The following MTUS2 variants were observed in gnomAD, a reference collection of about 807,000 sequenced individuals.
MTUS2 encodes the protein microtubule-associated tumor suppressor candidate 2.
MTUS2 carries 40 observed loss-of-function variants against 114.1 expected under a neutral mutation model. The observed-to-expected ratio is 0.35, with a 90% confidence interval of 0.27 to 0.46. MTUS2 has a LOEUF of 0.46. Ranked by LOEUF, MTUS2 falls within the 20% of genes least tolerant of loss-of-function variation. The probability of loss-of-function intolerance (pLI) is 1.00; values close to 1 mark genes in which losing one functional copy is unlikely to be tolerated. For synonymous variants in MTUS2, 688 were observed against 672.0 expected (o/e 1.02, Z -0.37); for missense variants, 1,679 against 1,705.4 (o/e 0.98, Z 0.27).
At chr13:28,826,223 T>C (rs1400701353) in intron 1 of MTUS2, among the ~76,000 whole-genome samples, 1 of 152,230 alleles carries the variant, frequency 6.6e-6, no homozygotes, top group African/African-American at 2.4e-5. Context: ...TCCAGATAGA[T>C]GGTCATATCA....
At chr13:29,320,652 A>G (rs2139669913) in intron 6 of MTUS2, among the ~76,000 whole-genome samples, 1 of 152,336 alleles carries the variant, frequency 6.6e-6, no homozygotes, top group African/African-American at 2.4e-5. Flanking sequence ...ACTGAAGCCC[A>G]GGGTAAGCTT....
At chr13:29,158,002 T>TAAAA (rs1162293019) in intron 5 of MTUS2, among the ~76,000 whole-genome samples, 1 of 152,190 alleles carries the variant, frequency 6.6e-6, no homozygotes, top group African/African-American at 2.4e-5. Context: ...GTGAAACATC[T>TAAAA]CTGACTTTTA....
intron 4 of MTUS2, among the ~76,000 whole-genome samples, chr13:29,036,932 C>T (rs1364385805): frequency 6.6e-6 from 1 of 151,694 alleles, no homozygotes; most frequent in East Asian, 1.9e-4. Flanking sequence ...CTCCTGAATA[C>T]AGCACACTGA....
chr13:28,937,844 T>C (rs1448309144), intron 2 of MTUS2, among the ~76,000 whole-genome samples: 2 of 152,164 alleles, frequency 1.3e-5, no homozygotes, highest in African/African-American at 4.8e-5. Context: ...AGCTGACCTC[T>C]AGGTCTGAAG....
At chr13:28,986,382 C>T (rs915089909) in intron 2 of MTUS2, among the ~76,000 whole-genome samples, 9 of 152,038 alleles carry the variant, frequency 5.9e-5, no homozygotes, top group South Asian at 2.1e-4. Flanking sequence ...GATGCATACA[C>T]TAGGTGGGCA....
At chr13:28,996,649 T>G (rs2138361819) in intron 2 of MTUS2, among the ~76,000 whole-genome samples, 1 of 152,332 alleles carries the variant, frequency 6.6e-6, no homozygotes, top group African/African-American at 2.4e-5. Flanking sequence ...GTCAAGGAAT[T>G]TATCCATTTC....
At chr13:29,088,168 A>G (rs1460275053) in intron 4 of MTUS2, among the ~76,000 whole-genome samples, 5 of 151,836 alleles carry the variant, frequency 3.3e-5, no homozygotes, top group Admixed American at 6.5e-5. Context: ...AGATTCTGGT[A>G]TGTTGTATGT....
chr13:29,079,553 TTG>T (rs1490032869), intron 4 of MTUS2, among the ~76,000 whole-genome samples: 1 of 152,228 alleles, frequency 6.6e-6, no homozygotes, highest in Non-Finnish European at 1.5e-5. Context: ...TTCACACACC[TTG>T]AAGCTTTTAA....
chr13:29,201,230 T>G (rs2139238565), intron 5 of MTUS2, among the ~76,000 whole-genome samples: 1 of 152,330 alleles, frequency 6.6e-6, no homozygotes, highest in Admixed American at 6.5e-5. Context: ...TAGTTAGCTC[T>G]TCTTGTTGCA....
intron 5 of MTUS2, among the ~76,000 whole-genome samples, chr13:29,138,025 C>G (rs1015643530): frequency 6.6e-6 from 1 of 152,138 alleles, no homozygotes; most frequent in Non-Finnish European, 1.5e-5. Context: ...ATCGGTGCCT[C>G]TTTTTCTGTA....
upstream of MTUS2, chr13:28,820,201 C>T (rs1873787499): frequency 6.8e-6 from 1 of 146,434 alleles, no homozygotes; most frequent in Non-Finnish European, 1.5e-5. Flanking sequence ...CCGGGAGCGC[C>T]TGGGCGTCGT....
At chr13:29,011,559 T>C (rs1885845624) in intron 2 of MTUS2, among the ~76,000 whole-genome samples, 1 of 152,244 alleles carries the variant, frequency 6.6e-6, no homozygotes, top group African/African-American at 2.4e-5. Flanking sequence ...AAACCAGTCA[T>C]TCTCCCCAGC....
chr13:29,218,452 T>C (rs1201866633), intron 5 of MTUS2, among the ~76,000 whole-genome samples: 1 of 152,244 alleles, frequency 6.6e-6, no homozygotes, highest in Non-Finnish European at 1.5e-5. Context: ...CTTCTTCCTG[T>C]GAATTAGAAA....
At position 29,457,316 on chromosome 13, in the gene MTUS2, C is replaced by G. The variant is rs138982336; in HGVS notation, c.3184+17267C>G. Among the ~76,000 whole-genome samples, 130 of 152,186 alleles carry G rather than the reference C, an allele frequency of 8.5e-4. 1 individual carries two copies. The highest frequency in any genetic ancestry group is 3.0e-3 in the African/African-American group (123 of 41,522). On this transcript the variant is annotated intron_variant, in intron 9 of 15. Coordinates refer to ENST00000612955, the MANE Select transcript of MTUS2 (RefSeq NM_001033602.4). ...TCATGCCTCTTTCCAGCCAAGCCCC[C>G]CTTCTTCTAAAGCAACTCCTTTCTT...
chr13:29,306,414 T>A (rs182787842), intron 6 of MTUS2, among the ~76,000 whole-genome samples: 106 of 152,324 alleles, frequency 7.0e-4, no homozygotes, highest in Non-Finnish European at 1.2e-3. Flanking sequence ...AAAAGTTTCC[T>A]AAGCTGATAA....
intron 5 of MTUS2, among the ~76,000 whole-genome samples, chr13:29,267,179 A>G (rs1371748579): frequency 1.3e-5 from 2 of 152,220 alleles, no homozygotes; most frequent in Non-Finnish European, 2.9e-5. Flanking sequence ...GCATTGGTAT[A>G]TACAAAGGGA....
chr13:29,365,578 A>G (rs1308648549), intron 8 of MTUS2, among the ~76,000 whole-genome samples: 1 of 150,960 alleles, frequency 6.6e-6, no homozygotes, highest in Non-Finnish European at 1.5e-5. Context: ...GGGAGAAGAA[A>G]GGTGAATTTC....
intron 2 of MTUS2, among the ~76,000 whole-genome samples, chr13:28,878,374 C>T (rs148082341): frequency 2.0e-4 from 30 of 151,976 alleles, no homozygotes; most frequent in African/African-American, 6.0e-4. Flanking sequence ...GCAGTATGTG[C>T]AGGTTTGTTG....
rs9508311 is a variant in MTUS2 at position 29,196,925 on chromosome 13, C to T, written c.2645-84779C>T. On this transcript the variant is annotated intron_variant, in intron 5 of 15. Coordinates refer to ENST00000612955, the MANE Select transcript of MTUS2 (RefSeq NM_001033602.4). ...GCTATTAACATGAGTCTACAAATAT[C>T]TGTTTCAGTTCCTGCTTGTATTAAT... Among the ~76,000 whole-genome samples, 8 of 152,106 alleles carry T rather than the reference C, an allele frequency of 5.3e-5. No homozygotes were observed. The East Asian group carries it at 1.5e-3, about 29-fold the overall frequency.
Sources: gnomAD v4.1 joint callset for allele counts (sites outside exome capture counted in the v4.1 genomes callset) on GRCh38, gnomAD v4.1.1 for gene constraint, MANE v1.5 for transcripts, NCBI Gene and HGNC (gene_info 2026-07-23, HGNC 2026-07-21) for gene names.